LRP1B: variants seen among roughly 807,000 people sequenced by gnomAD.
LRP1B encodes the protein low-density lipoprotein receptor-related protein 1B.
In LRP1B, 217 loss-of-function variants were observed where a neutral mutation model predicts 556.6. The observed-to-expected ratio is 0.39, with a 90% CI of 0.35 to 0.44. LRP1B has a LOEUF of 0.44. LRP1B is among the 20% of genes least tolerant of loss of function. The probability of loss-of-function intolerance (pLI) is 1.00; values close to 1 mark genes in which losing one functional copy is unlikely to be tolerated. For missense variants in LRP1B, 5,053 were observed against 5,620.8 expected (o/e 0.90, Z 3.23); for synonymous variants, 2,047 against 1,865.8 (o/e 1.10, Z -2.50).
chr2:141,653,002 T>C (rs1422074628), intron 2 of LRP1B, among the ~76,000 whole-genome samples: 1 of 152,184 alleles, frequency 6.6e-6, no homozygotes, highest in African/African-American at 2.4e-5. Context: ...TGCTTCTATA[T>C]TTTAATTTTC....
chr2:141,739,087 T>C (rs1295620131), intron 2 of LRP1B, among the ~76,000 whole-genome samples: 1 of 152,064 alleles, frequency 6.6e-6, no homozygotes, highest in Non-Finnish European at 1.5e-5. Context: ...AGCAAAAAGC[T>C]AAAATATGTT....
intron 1 of LRP1B, among the ~76,000 whole-genome samples, chr2:141,965,806 AAAAAAAAG>A (rs1335606567): frequency 1.1e-4 from 17 of 149,274 alleles, no homozygotes; most frequent in African/African-American, 3.7e-4. Flanking sequence ...TCCAAAAAAA[AAAAAAAAG>A]AAAATTGTTT....
intron 1 of LRP1B, among the ~76,000 whole-genome samples, chr2:142,056,783 A>G (rs1229726989): frequency 6.6e-6 from 1 of 152,112 alleles, no homozygotes; most frequent in Non-Finnish European, 1.5e-5. Context: ...TTAATATGAG[A>G]GAAATGTAGA....
chr2:140,858,406 G>A (rs1032533820), intron 27 of LRP1B, among the ~76,000 whole-genome samples: 7 of 150,340 alleles, frequency 4.7e-5, no homozygotes, highest in Non-Finnish European at 1.0e-4. Context: ...AATGTATTAT[G>A]TATGTATGTA....
intron 29 of LRP1B, among the ~76,000 whole-genome samples, chr2:140,844,686 G>C (rs943217389): frequency 2.6e-5 from 4 of 151,928 alleles, no homozygotes; most frequent in Non-Finnish European, 5.9e-5. Flanking sequence ...TCCAGTTCTG[G>C]GGTCTCTCAT....
At chr2:142,012,397 C>G (rs1312510254) in intron 1 of LRP1B, among the ~76,000 whole-genome samples, 1 of 152,068 alleles carries the variant, frequency 6.6e-6, no homozygotes, top group East Asian at 1.9e-4. Context: ...TTATTCTTCA[C>G]TTAGGGCCAT....
chr2:140,688,178 G>C (rs1388434165), intron 41 of LRP1B, among the ~76,000 whole-genome samples: 1 of 151,672 alleles, frequency 6.6e-6, no homozygotes, highest in African/African-American at 2.4e-5. Flanking sequence ...GTTATTTAAA[G>C]TGGCTTCATA....
At chr2:141,969,129 C>G (rs1311562513) in intron 1 of LRP1B, among the ~76,000 whole-genome samples, 1 of 150,212 alleles carries the variant, frequency 6.7e-6, no homozygotes, top group African/African-American at 2.4e-5. Flanking sequence ...TTTTTTAAAG[C>G]TATACATTGA....
intron 1 of LRP1B, among the ~76,000 whole-genome samples, chr2:141,915,799 C>G (rs1700014527): frequency 6.6e-6 from 1 of 152,108 alleles, no homozygotes; most frequent in South Asian, 2.1e-4. Context: ...TCTCAAGAGA[C>G]AGACAAGTGG....
Position 141,886,978 on chromosome 2 carries a change from T to G in LRP1B, c.83-76577A>C, listed in dbSNP as rs145265284. 8.5e-4 allele frequency among the ~76,000 whole-genome samples: 44 copies of G among 51,680 alleles called. 1 individual carries two copies. The highest frequency in any genetic ancestry group is 5.3e-3 in the African/African-American group (39 of 7,414). The allele number at this position is 51,680 out of a possible 152,430, so 33.9% of individuals were successfully genotyped here. A position where few individuals can be genotyped will look rare whatever the true frequency, so the allele number is the denominator to read the frequency against. On this transcript the variant is annotated intron_variant, in intron 1 of 90. Coordinates refer to ENST00000389484, the MANE Select transcript of LRP1B (RefSeq NM_018557.3). Reference sequence around the variant, plus strand: ...TTTTTCTTTTTCTTTTTTTTTTTTTTTGGGTTTTTTGTTTGTTTGTTTTGT... The same window carrying G: ...TTTTTCTTTTTCTTTTTTTTTTTTTGTGGGTTTTTTGTTTGTTTGTTTTGT...
chr2:142,021,320 G>A (rs34252397), intron 1 of LRP1B, among the ~76,000 whole-genome samples: 59,064 of 138,892 alleles, frequency 0.43, 13,488 homozygotes, highest in Non-Finnish European at 0.53. Context: ...GTGTATGTGC[G>A]TGTGTGTGTG....
intron 41 of LRP1B, chr2:140,683,267 AATGTTTTCTCAGAT>A: frequency 5.8e-6 from 2 of 347,376 alleles, no homozygotes; most frequent in South Asian, 4.8e-5. Flanking sequence ...GATCACTGGG[AATGTTTTCTCAGAT>A]ATGACTTTTC....
chr2:140,623,914 G>C (rs907951280), intron 41 of LRP1B, among the ~76,000 whole-genome samples: 11 of 119,076 alleles, frequency 9.2e-5, no homozygotes, highest in African/African-American at 3.3e-4. Context: ...GCGAGACTTC[G>C]TCTCAATATA....
chr2:141,296,065 T>G (rs546971367), intron 3 of LRP1B, among the ~76,000 whole-genome samples: 2 of 152,290 alleles, frequency 1.3e-5, no homozygotes, highest in African/African-American at 4.8e-5. Flanking sequence ...AATTACTTTG[T>G]CCCAGGTTCT....
At chr2:141,652,336 T>A (rs890865112) in intron 2 of LRP1B, among the ~76,000 whole-genome samples, 1 of 152,206 alleles carries the variant, frequency 6.6e-6, no homozygotes, top group African/African-American at 2.4e-5. Flanking sequence ...GTTAGATAAT[T>A]TTATGATGGA....
At chr2:141,792,311 C>G (rs1336556223) in intron 2 of LRP1B, among the ~76,000 whole-genome samples, 1 of 151,866 alleles carries the variant, frequency 6.6e-6, no homozygotes, top group Non-Finnish European at 1.5e-5. Flanking sequence ...TTTTGACATT[C>G]AAAACTCAGA....
chr2:141,467,120 A>ATATATG (rs1682254001), intron 3 of LRP1B, among the ~76,000 whole-genome samples: 2 of 3,810 alleles, frequency 5.2e-4, no homozygotes, highest in African/African-American at 7.3e-4. Context: ...ATATATATAT[A>ATATATG]TATCTATATA....
At chr2:141,899,950 C>T (rs1415177451) in intron 1 of LRP1B, among the ~76,000 whole-genome samples, 2 of 151,958 alleles carry the variant, frequency 1.3e-5, no homozygotes, top group Non-Finnish European at 2.9e-5. Context: ...AAATGTCTTA[C>T]TGAGCTGAGA....
intron 60 of LRP1B, among the ~76,000 whole-genome samples, chr2:140,458,888 GAC>G (rs1687208953): frequency 1.3e-5 from 2 of 151,822 alleles, no homozygotes; most frequent in African/African-American, 4.8e-5. Flanking sequence ...ACAACTAAAA[GAC>G]AATAGAAATA....
Sources: allele counts gnomAD v4.1 joint callset (sites outside exome capture counted in the v4.1 genomes callset), GRCh38; gene constraint gnomAD v4.1.1; transcripts MANE v1.5; gene names NCBI Gene and HGNC (gene_info 2026-07-23, HGNC 2026-07-21).